The following SLC24A3 variants were observed in gnomAD, a reference collection of about 807,000 sequenced individuals.
The protein encoded by SLC24A3 is solute carrier family 24 member 3, also known as sodium/potassium/calcium exchanger 3.
SLC24A3 carries 28 observed loss-of-function variants against 75.8 expected under a neutral mutation model. The observed-to-expected ratio is 0.37, with a 90% CI of 0.27 to 0.51. The LOEUF (loss-of-function observed/expected upper bound fraction) is 0.51. Among genes scored for constraint, SLC24A3 ranks in the 20% least tolerant of loss-of-function variants. The pLI is 0.94. For synonymous variants in SLC24A3, 372 were observed against 334.1 expected, an observed-to-expected ratio of 1.11 and a Z score of -1.24; for missense variants, 663 against 847.8, an observed-to-expected ratio of 0.78 and a Z score of 2.71.
intron 2 of SLC24A3, among the ~76,000 whole-genome samples, chr20:19,476,693 G>A (rs991225885): frequency 2.0e-5 from 3 of 152,262 alleles, no homozygotes; most frequent in African/African-American, 7.2e-5. Context: ...GAAGATGGTT[G>A]CTTCAGAAAG....
chr20:19,624,203 T>A (rs2031840247), intron 6 of SLC24A3, among the ~76,000 whole-genome samples: 1 of 152,188 alleles, frequency 6.6e-6, no homozygotes, highest in Non-Finnish European at 1.5e-5. Flanking sequence ...ATGTTTTGAT[T>A]GGACTCCCTG....
At chr20:19,671,685 A>G (rs1288008668) in intron 8 of SLC24A3, among the ~76,000 whole-genome samples, 1 of 151,632 alleles carries the variant, frequency 6.6e-6, no homozygotes, top group Non-Finnish European at 1.5e-5. Flanking sequence ...TAAGGAGGCT[A>G]GGAAATAAGA....
intron 2 of SLC24A3, among the ~76,000 whole-genome samples, chr20:19,314,037 C>T (rs1984520986): frequency 6.6e-6 from 1 of 152,132 alleles, no homozygotes; most frequent in Non-Finnish European, 1.5e-5. Context: ...ATGAAATTCA[C>T]AGACCGGTCA....
chr20:19,426,564 A>C (rs1302732037), intron 2 of SLC24A3, among the ~76,000 whole-genome samples: 1 of 152,242 alleles, frequency 6.6e-6, no homozygotes, highest in African/African-American at 2.4e-5. Context: ...GATTGTTTCC[A>C]ATACTTTGCT....
chr20:19,657,531 C>T (rs2032279862), intron 7 of SLC24A3, among the ~76,000 whole-genome samples: 1 of 152,138 alleles, frequency 6.6e-6, no homozygotes, highest in African/African-American at 2.4e-5. Context: ...TTTCAGATTC[C>T]CAAAGGAAAG....
intron 6 of SLC24A3, among the ~76,000 whole-genome samples, chr20:19,621,833 T>C (rs6035392): frequency 0.53 from 80,432 of 152,088 alleles, 23,399 homozygotes; most frequent in African/African-American, 0.79. Context: ...CATTTCTCCT[T>C]AGAAATGCTC....
chr20:19,561,056 G>T (rs756213059), intron 3 of SLC24A3, among the ~76,000 whole-genome samples: 1 of 152,166 alleles, frequency 6.6e-6, no homozygotes, highest in East Asian at 1.9e-4. Flanking sequence ...CCTGTAAGCC[G>T]TCTACATTCC....
At chr20:19,344,313 T>C (rs1287185383) in intron 2 of SLC24A3, among the ~76,000 whole-genome samples, 1 of 152,230 alleles carries the variant, frequency 6.6e-6, no homozygotes, top group Non-Finnish European at 1.5e-5. Context: ...GATATGATAC[T>C]CTGTCTCTGA....
At chr20:19,231,325 T>C (rs1982016495) in intron 1 of SLC24A3, among the ~76,000 whole-genome samples, 1 of 152,194 alleles carries the variant, frequency 6.6e-6, no homozygotes, top group Non-Finnish European at 1.5e-5. Context: ...GGGTTTGTTA[T>C]GTTACGTGGC....
chr20:19,356,652 G>A (rs1448706848), intron 2 of SLC24A3, among the ~76,000 whole-genome samples: 1 of 152,152 alleles, frequency 6.6e-6, no homozygotes, highest in African/African-American at 2.4e-5. Flanking sequence ...GAACATTCTT[G>A]TGGGTGTCTC....
At chr20:19,522,221 G>A (rs1330820264) in intron 3 of SLC24A3, among the ~76,000 whole-genome samples, 2 of 152,106 alleles carry the variant, frequency 1.3e-5, no homozygotes, top group African/African-American at 2.4e-5. Context: ...TCCCTTCCTC[G>A]TTTATGTCAT....
rs1273376505 is a variant in SLC24A3, at chr20:19,281,000, A to G, written c.184A>G (p.Met62Val). 6.2e-7 allele frequency: 1 copy of G among 1,614,070 alleles called. No homozygotes were observed. The highest frequency in any genetic ancestry group is 1.7e-5 in the Admixed American group (1 of 60,006). ...MDLVGEDRKW[M>V]MARKLMQVND... ...CCTCGTAGGGGAAGACAGAAAGTGG[A>G]TGATGGCGAGGAAGCTGATGCAGGT... is the stretch of plus-strand genomic sequence containing the variant. Residue 62 changes from methionine (M) to valine (V), a missense_variant, in exon 2 of 17, where the codon ATG becomes GTG. This residue lies in a region of SLC24A3 where 153 missense variants were observed against 144.2 expected (regional missense o/e 1.06). Transcript: ENST00000328041.
At chr20:19,693,599 T>A in intron 13 of SLC24A3, 174 bp downstream of exon 13, 2 of 723,116 alleles carry the variant, frequency 2.8e-6, no homozygotes, top group Non-Finnish European at 4.2e-6. Context: ...ATTCTCCTGC[T>A]CACACGTCTT....
intron 1 of SLC24A3, among the ~76,000 whole-genome samples, chr20:19,266,450 A>G (rs759758204): frequency 3.9e-5 from 6 of 152,218 alleles, no homozygotes; most frequent in Non-Finnish European, 7.3e-5. Flanking sequence ...CTAGGCATGA[A>G]TTAAGAAAAG....
intron 6 of SLC24A3, among the ~76,000 whole-genome samples, chr20:19,636,956 T>G (rs2032009666): frequency 6.6e-6 from 1 of 152,218 alleles, no homozygotes; most frequent in African/African-American, 2.4e-5. Context: ...AACAAGCCGC[T>G]ATTTAAAAAA....
At chr20:19,464,764 C>A (rs529516342) in intron 2 of SLC24A3, among the ~76,000 whole-genome samples, 2 of 152,226 alleles carry the variant, frequency 1.3e-5, no homozygotes, top group East Asian at 3.9e-4. Flanking sequence ...GTGAGTATGC[C>A]CATTTTACAG....
chr20:19,427,026 T>C (rs530979456), intron 2 of SLC24A3, among the ~76,000 whole-genome samples: 33 of 152,278 alleles, frequency 2.2e-4, no homozygotes, highest in African/African-American at 5.5e-4. Flanking sequence ...GTGAAGAAGA[T>C]ATGCATGTAT....
intron 3 of SLC24A3, among the ~76,000 whole-genome samples, chr20:19,579,428 C>A (rs932531536): frequency 6.6e-6 from 1 of 152,192 alleles, no homozygotes; most frequent in African/African-American, 2.4e-5. Context: ...TTTATTTATT[C>A]CCTCATTCCA....
intron 2 of SLC24A3, among the ~76,000 whole-genome samples, chr20:19,414,867 C>T (rs532541891): frequency 6.6e-6 from 1 of 152,220 alleles, no homozygotes; most frequent in South Asian, 2.1e-4. Flanking sequence ...CCCTTTCTGC[C>T]TTGGCTGTCA....
Sources: gnomAD v4.1 joint callset for allele counts (sites outside exome capture counted in the v4.1 genomes callset) on GRCh38, gnomAD v4.1.1 for gene constraint, gnomAD v4.1.1 regional missense constraint, MANE v1.5 for transcripts, NCBI Gene and HGNC (gene_info 2026-07-23, HGNC 2026-07-21) for gene names.